Variants in ARHGEF7 observed in about 807,000 individuals in gnomAD.
ARHGEF7 encodes the protein Rho guanine nucleotide exchange factor 7, also known as PAK-interacting exchange factor beta.
In ARHGEF7, 33 loss-of-function variants were observed where a neutral mutation model predicts 109.8. The ratio of observed to expected loss-of-function variants is 0.30; its 90% CI spans 0.23 to 0.40. ARHGEF7 has a LOEUF of 0.40. ARHGEF7 is among the 10% of genes least tolerant of loss of function. The pLI is 1.00. For synonymous variants in ARHGEF7, 458 were observed against 424.6 expected (o/e 1.08, Z -0.97); for missense variants, 938 against 1,098.5 (o/e 0.85, Z 2.07).
intron 2 of ARHGEF7, among the ~76,000 whole-genome samples, chr13:111,180,549 G>T (rs1334520940): frequency 6.6e-6 from 1 of 152,212 alleles, no homozygotes; most frequent in African/African-American, 2.4e-5. Context: ...AGTACCAGAA[G>T]CCCCAGAAGG....
At chr13:111,221,553 A>C (rs1376999895) in intron 5 of ARHGEF7, among the ~76,000 whole-genome samples, 1 of 70,972 alleles carries the variant, frequency 1.4e-5, no homozygotes, top group Admixed American at 1.8e-4. Flanking sequence ...ATACATATCT[A>C]TATATCTATA....
At chr13:111,189,995 G>A (rs936289510) in intron 2 of ARHGEF7, among the ~76,000 whole-genome samples, 6 of 152,192 alleles carry the variant, frequency 3.9e-5, no homozygotes, top group South Asian at 2.1e-4. Context: ...GGCAGTGACC[G>A]CTCTAGCTAC....
chr13:111,202,724 A>G (rs896357423), intron 2 of ARHGEF7, among the ~76,000 whole-genome samples: 9 of 152,244 alleles, frequency 5.9e-5, no homozygotes, highest in African/African-American at 1.4e-4. Flanking sequence ...AGACTTCCCT[A>G]TTATTCCCAT....
intron 9 of ARHGEF7, 146 bp downstream of exon 9, chr13:111,267,816 T>C: frequency 2.9e-6 from 3 of 1,020,512 alleles, no homozygotes; most frequent in Admixed American, 2.8e-5. Context: ...GCTTGAGAAG[T>C]ACTGGTAAGA....
chr13:111,221,529 A>G lies in ARHGEF7; in HGVS notation c.670+3649A>G, dbSNP rs867566172. On this transcript the variant is annotated intron_variant, in intron 5 of 21. Transcript: ENST00000646102. ...TATATATATAGATATATATCTATAT[A>G]TATCTATATATAGATACATATCTAT... is the stretch of plus-strand genomic sequence containing the variant. Among the ~76,000 whole-genome samples, 111 of 39,510 alleles carry G rather than the reference A, an allele frequency of 2.8e-3. 4 individuals are homozygous for G. The highest frequency in any genetic ancestry group is 8.5e-3 in the African/African-American group (107 of 12,610). 25.9% of individuals were successfully genotyped at this position (39,510 alleles called of 152,430 possible).
chr13:111,303,003 A>T lies in ARHGEF7; in HGVS notation c.2479A>T (p.Met827Leu), dbSNP rs773671008. ...VQELRQDNKK[M>L]KKSLEEEQRA... ...GCTTAATTTACAGGACAACAAAAAG[A>T]TGAAGAAATCTCTAGAGGAAGAACA... Residue 827 changes from methionine to leucine, a missense_variant, in exon 22 of 22, where the codon ATG (methionine) becomes TTG (leucine). Coordinates refer to ENST00000646102, the MANE Select transcript of ARHGEF7 (RefSeq NM_001354046.2). The T allele has an allele frequency of 6.2e-7, 1 of 1,614,176 alleles. No individual in the cohort carries two copies. Among genetic ancestry groups the T allele is most frequent in the Admixed American group, 1.7e-5 (1 of 60,032 alleles).
chr13:111,221,549 ATC>A (rs1274915172), intron 5 of ARHGEF7, among the ~76,000 whole-genome samples: 48 of 77,970 alleles, frequency 6.2e-4, no homozygotes, highest in South Asian at 1.8e-3. Context: ...ATAGATACAT[ATC>A]TATATATCTA....
intron 2 of ARHGEF7, among the ~76,000 whole-genome samples, chr13:111,185,673 C>T (rs2079171677): frequency 6.6e-6 from 1 of 152,376 alleles, no homozygotes; most frequent in South Asian, 2.1e-4. Context: ...TTTCTGGCGA[C>T]AGCCAGGCTG....
Position 111,283,215 on chromosome 13 carries a change from C to T in ARHGEF7, c.1802C>T (p.Thr601Met), listed in dbSNP as rs2092864885. The T allele has an allele frequency of 2.5e-6, 4 of 1,596,132 alleles. No homozygotes were observed. Among genetic ancestry groups the T allele is most frequent in the Non-Finnish European group, 3.4e-6 (4 of 1,172,946 alleles). Residue 601 changes from threonine to methionine, a missense_variant, in exon 16 of 22, where the codon ACG (threonine) becomes ATG (methionine). Physicochemically the swap from Thr to Met is moderately conservative, Grantham distance 81. This residue lies in a region of ARHGEF7 where 585 missense variants were observed against 723.6 expected (regional missense o/e 0.81). Coordinates refer to ENST00000646102, the MANE Select transcript of ARHGEF7 (RefSeq NM_001354046.2). ...GCGCCGCTGACGCCCGCCTACCACA[C>T]GCTGCCCCACCCCTCCCACCACGGC... ...KPAPLTPAYHTLPHPSHHGTP... is the reference protein window; with the variant it reads ...KPAPLTPAYHMLPHPSHHGTP...
intron 18 of ARHGEF7, among the ~76,000 whole-genome samples, chr13:111,291,900 C>G (rs1158226818): frequency 6.6e-6 from 1 of 152,116 alleles, no homozygotes; most frequent in Non-Finnish European, 1.5e-5. Context: ...AATAATCGAT[C>G]TAGTTTTATT....
At chr13:111,233,392 G>T in intron 6 of ARHGEF7, 99 bp downstream of exon 6, 1 of 959,922 alleles carries the variant, frequency 1.0e-6, no homozygotes, top group Non-Finnish European at 1.7e-6. Context: ...ATAGGAAGAA[G>T]GAAATAAAGT....
chr13:111,252,226 C>A (rs888604965), intron 8 of ARHGEF7, among the ~76,000 whole-genome samples: 2 of 152,128 alleles, frequency 1.3e-5, no homozygotes, highest in African/African-American at 4.8e-5. Context: ...AACTTTTTAC[C>A]CAGATGTAAT....
At chr13:111,289,464 G>T (rs1446435170) in intron 18 of ARHGEF7, among the ~76,000 whole-genome samples, 2 of 152,246 alleles carry the variant, frequency 1.3e-5, no homozygotes, top group African/African-American at 2.4e-5. Context: ...TGACATGTGG[G>T]CACGTGCTGC....
At chr13:111,184,652 T>C (rs957893866) in intron 2 of ARHGEF7, among the ~76,000 whole-genome samples, 3 of 152,210 alleles carry the variant, frequency 2.0e-5, no homozygotes, top group Non-Finnish European at 4.4e-5. Context: ...AGATGTGTCT[T>C]CTCCATCTTT....
At chr13:111,249,152 T>A (rs1053531350) in intron 8 of ARHGEF7, among the ~76,000 whole-genome samples, 1 of 152,148 alleles carries the variant, frequency 6.6e-6, no homozygotes, top group African/African-American at 2.4e-5. Flanking sequence ...TCCCAGCAAC[T>A]CTGGTAGAAC....
chr13:111,254,516 G>A (rs7990557), intron 8 of ARHGEF7, among the ~76,000 whole-genome samples: 39,112 of 61,358 alleles, frequency 0.64, 11,644 homozygotes, highest in Admixed American at 0.69. Context: ...GCGCTGAGTC[G>A]CTAACATGAA....
chr13:111,279,629 C>T (rs76383862), intron 13 of ARHGEF7, among the ~76,000 whole-genome samples: 3 of 152,230 alleles, frequency 2.0e-5, no homozygotes, highest in Admixed American at 2.0e-4. Context: ...TTTGTGTTCA[C>T]TTCTGACTTG....
At position 111,123,865 on chromosome 13, in the gene ARHGEF7, C is replaced by CA. The variant is rs777280758; in HGVS notation, c.165+8174_165+8175insA. Among the ~76,000 whole-genome samples the CA allele has an allele frequency of 1.7e-3, 63 of 36,024 alleles. 2 individuals carry two copies. The highest frequency in any genetic ancestry group is 6.5e-3 in the African/African-American group (57 of 8,806). 23.6% of individuals were successfully genotyped at this position (36,024 alleles called of 152,430 possible). ...CCATCGTTGGCTGGTGGGCTGCGCC[C>CA]CCCCCCCCCGGCCCCGCCCCCTGCC... On this transcript the variant is annotated intron_variant, in intron 1 of 21. Transcript: ENST00000646102.
chr13:111,213,225 G>A (rs975235235), intron 4 of ARHGEF7, among the ~76,000 whole-genome samples: 2 of 152,152 alleles, frequency 1.3e-5, no homozygotes, highest in African/African-American at 2.4e-5. Flanking sequence ...GAAAGAGGCC[G>A]TTAAGGAGCA....
Sources: gnomAD v4.1 joint callset for allele counts (sites outside exome capture counted in the v4.1 genomes callset) on GRCh38, gnomAD v4.1.1 for gene constraint, gnomAD v4.1.1 regional missense constraint, MANE v1.5 for transcripts, NCBI Gene and HGNC (gene_info 2026-07-23, HGNC 2026-07-21) for gene names.